The following UBE2O variants were observed in gnomAD, a reference collection of about 807,000 sequenced individuals.
UBE2O encodes (E3-independent) E2 ubiquitin-conjugating enzyme.
UBE2O carries 15 observed loss-of-function variants against 125.8 expected under a neutral mutation model. The ratio of observed to expected loss-of-function variants is 0.12; its 90% CI spans 0.08 to 0.18. The LOEUF (loss-of-function observed/expected upper bound fraction) is 0.18, where lower values mean the gene tolerates loss of function less well. Among genes scored for constraint, UBE2O ranks in the 10% least tolerant of loss-of-function variants. UBE2O has a pLI of 1.00. For synonymous variants in UBE2O, 708 were observed against 703.2 expected (o/e 1.01, Z -0.11); for missense variants, 1,280 against 1,723.6 (o/e 0.74, Z 4.56).
chr17:76,425,909 C>T (rs1019073974), intron 1 of UBE2O, among the ~76,000 whole-genome samples: 6 of 152,198 alleles, frequency 3.9e-5, no homozygotes, highest in African/African-American at 1.4e-4. Context: ...TGTCAGATCC[C>T]GTTTCCTGGA....
chr17:76,443,020 G>T (rs1210836590), intron 1 of UBE2O, among the ~76,000 whole-genome samples: 1 of 152,186 alleles, frequency 6.6e-6, no homozygotes, highest in Non-Finnish European at 1.5e-5. Context: ...ATTTTGAGAA[G>T]ATTCAAGCTT....
chr17:76,427,961 T>C (rs575195350), intron 1 of UBE2O, among the ~76,000 whole-genome samples: 35 of 152,342 alleles, frequency 2.3e-4, no homozygotes, highest in African/African-American at 7.0e-4. Flanking sequence ...TGAACCCACC[T>C]TGCCCCTCCC....
At chr17:76,409,032 G>A (rs346810) in intron 1 of UBE2O, among the ~76,000 whole-genome samples, 9,655 of 151,624 alleles carry the variant, frequency 0.064, 381 homozygotes, top group South Asian at 0.12. Flanking sequence ...GCAGTGGCGC[G>A]ATCTCGGCTC....
intron 13 of UBE2O, among the ~76,000 whole-genome samples, chr17:76,397,300 AC>A (rs1205840231): frequency 6.6e-6 from 1 of 151,620 alleles, no homozygotes; most frequent in Non-Finnish European, 1.5e-5. Flanking sequence ...TCCCGCCCCC[AC>A]TCCTGCCCCC....
At position 76,398,918 on chromosome 17, in the gene UBE2O, T is replaced by C. The variant is rs774643651; in HGVS notation, c.1702A>G (p.Ile568Val). Residue 568 changes from isoleucine (I) to valine (V), a missense_variant, in exon 10 of 18, where the codon ATC becomes GTC. Transcript: ENST00000319380. This position sits in a 1 kb window ranked among gnomAD's most constrained non-coding sequence, Gnocchi z 5.4. ...MWQDGSVECN[I>V]RSNDLFPVHH... ...ACAGGGAAGAGGTCGTTGGAGCGGA[T>C]GTTGCATTCCACGGAGCCATCCTGC... 8.7e-6 allele frequency: 14 copies of C among 1,614,118 alleles called. No individual in the cohort carries two copies. Among genetic ancestry groups the C allele is most frequent in the Non-Finnish European group, 1.2e-5 (14 of 1,180,020 alleles).
At chr17:76,432,887 C>T (rs879831405) in intron 1 of UBE2O, among the ~76,000 whole-genome samples, 3 of 152,166 alleles carry the variant, frequency 2.0e-5, no homozygotes, top group Non-Finnish European at 4.4e-5. Context: ...CAATGCAATA[C>T]CCATGCATGC....
intron 1 of UBE2O, among the ~76,000 whole-genome samples, chr17:76,447,256 T>A (rs914851745): frequency 3.9e-5 from 6 of 152,236 alleles, no homozygotes; most frequent in Non-Finnish European, 8.8e-5. Flanking sequence ...ACAAAGTACA[T>A]TTAGTTCAAT....
chr17:76,393,828 G>A (rs2072157771), intron 15 of UBE2O, among the ~76,000 whole-genome samples: 1 of 152,216 alleles, frequency 6.6e-6, no homozygotes, highest in South Asian at 2.1e-4. Flanking sequence ...AATGGGCGAG[G>A]TCAGTGATGA....
chr17:76,406,258 C>T (rs972207193), intron 1 of UBE2O, among the ~76,000 whole-genome samples: 1 of 152,226 alleles, frequency 6.6e-6, no homozygotes, highest in Non-Finnish European at 1.5e-5. Context: ...TGCTCCATCG[C>T]CCAAAAGCCC....
rs145217622 is a variant in UBE2O, at chr17:76,430,614, T to A, written c.417+22111A>T. The A allele has an allele frequency of 7.9e-3, 2,608 of 330,768 alleles. 17 individuals are homozygous for A. The highest frequency in any genetic ancestry group is 0.02 in the Middle Eastern group (21 of 1,038). 20.5% of individuals were successfully genotyped at this position (330,768 alleles called of 1,614,324 possible). On this transcript the variant is annotated intron_variant, in intron 1 of 17. Transcript: ENST00000319380. ...ACCATGAGACTGATCAATCAAAGTG[T>A]TATCTGTCAAAGCAATTCGCTTCTT...
At position 76,399,463 on chromosome 17, in the gene UBE2O, G is replaced by C; in HGVS notation, c.1614C>G (p.Phe538Leu). The change falls in exon 9 of 18, where the codon TTC becomes TTG. Residue 538 changes from phenylalanine to leucine, a missense_variant. Physicochemically the swap from Phe to Leu is conservative, Grantham distance 22. Around this residue, in one of 10 missense-constraint regions of UBE2O, gnomAD observed 145 missense variants for 219.6 expected, o/e 0.66. Transcript: ENST00000319380. This position sits in a 1 kb window ranked among gnomAD's most constrained non-coding sequence, Gnocchi z 6.9. The part of the protein sequence containing the change: ...KRKKNKITRD[F>L]KPGDRVAVEV... ...TCTGAGTTTACCTGTCCCCTGGCTT[G>C]AAGTCTCGAGTGATTTTATTCTTCT... 6.2e-7 allele frequency: 1 copy of C among 1,613,934 alleles called. No individual in the cohort carries two copies. The highest frequency in any genetic ancestry group is 8.5e-7 in the Non-Finnish European group (1 of 1,179,802).
chr17:76,424,171 G>C (rs1360805504), intron 1 of UBE2O, among the ~76,000 whole-genome samples: 1 of 150,178 alleles, frequency 6.7e-6, no homozygotes, highest in Non-Finnish European at 1.5e-5. Context: ...GCCTCCCAAA[G>C]TGCTGGGATT....
intron 1 of UBE2O, among the ~76,000 whole-genome samples, chr17:76,433,667 G>A (rs1253153958): frequency 6.6e-6 from 1 of 151,048 alleles, no homozygotes; most frequent in East Asian, 1.9e-4. Context: ...AGTGAGTATT[G>A]CGCCACTGCA....
At position 76,391,871 on chromosome 17, in the gene UBE2O, C is replaced by T. The variant is rs369517491; in HGVS notation, c.3150+39G>A. On this transcript the variant is annotated intron_variant, in intron 16 of 17. Transcript: ENST00000319380. This position sits in a 1 kb window ranked among gnomAD's most constrained non-coding sequence, Gnocchi z 8.4. ...CCCAGGCCCCTATCCACCAGTGGCT[C>T]TTCCTCCTTCTTGGCTGGGGGCCTG... 1.9e-5 allele frequency: 30 copies of T among 1,613,818 alleles called. 1 individual carries two copies. The East Asian group carries it at 6.2e-4, about 34-fold the overall frequency.
At chr17:76,422,351 C>T (rs2072725443) in intron 1 of UBE2O, among the ~76,000 whole-genome samples, 1 of 152,206 alleles carries the variant, frequency 6.6e-6, no homozygotes, top group Non-Finnish European at 1.5e-5. Flanking sequence ...TCCCATCTCT[C>T]CTCCAGCAAG....
chr17:76,440,573 C>T (rs60211126), intron 1 of UBE2O, among the ~76,000 whole-genome samples: 2,274 of 152,340 alleles, frequency 0.015, 60 homozygotes, highest in African/African-American at 0.051. Context: ...AGTGATCCGC[C>T]TGGCTTGGCC....
chr17:76,415,742 TTGAG>T (rs1362740566), intron 1 of UBE2O, among the ~76,000 whole-genome samples: 1 of 150,558 alleles, frequency 6.6e-6, no homozygotes, highest in Non-Finnish European at 1.5e-5. Context: ...GAGGTGGAGT[TTGAG>T]TGAGCTGAGA....
intron 13 of UBE2O, 137 bp downstream of exon 13, chr17:76,397,662 C>G (rs757465246): frequency 1.4e-4 from 116 of 850,476 alleles, no homozygotes; most frequent in Non-Finnish European, 2.2e-4. Flanking sequence ...GTGTGGAATG[C>G]CTGCCTTTCC....
At chr17:76,415,534 G>A (rs2072585619) in intron 1 of UBE2O, among the ~76,000 whole-genome samples, 1 of 152,204 alleles carries the variant, frequency 6.6e-6, no homozygotes, top group Non-Finnish European at 1.5e-5. Context: ...GCCTGGCGAG[G>A]TGGCTCACAC....
Sources: allele counts gnomAD v4.1 joint callset (sites outside exome capture counted in the v4.1 genomes callset), GRCh38; gene constraint gnomAD v4.1.1; regional missense constraint gnomAD v4.1.1; non-coding constraint Gnocchi (gnomAD v3.1); transcripts MANE v1.5; gene names NCBI Gene and HGNC (gene_info 2026-07-23, HGNC 2026-07-21).